Variants in EPHA7 observed in about 807,000 individuals in gnomAD.
The protein encoded by EPHA7 is ephrin type-A receptor 7.
In EPHA7, 25 loss-of-function variants were observed where a neutral mutation model predicts 112.6. That is an observed-to-expected ratio of 0.22 (90% CI 0.16 to 0.31). The LOEUF is 0.31. Ranked by LOEUF, EPHA7 falls within the 10% of genes least tolerant of loss-of-function variation. The pLI is 1.00. For synonymous variants in EPHA7, 437 were observed against 406.5 expected, an observed-to-expected ratio of 1.07 and a Z score of -0.90; for missense variants, 962 against 1,212.6, an observed-to-expected ratio of 0.79 and a Z score of 3.07.
At chr6:93,338,969 TTAAA>T (rs1775010598) in intron 5 of EPHA7, among the ~76,000 whole-genome samples, 1 of 149,498 alleles carries the variant, frequency 6.7e-6, no homozygotes, top group Non-Finnish European at 1.5e-5. Context: ...TTATGTTAAA[TTAAA>T]TAAATATTAA....
At chr6:93,381,977 T>C (rs1234689661) in intron 3 of EPHA7, among the ~76,000 whole-genome samples, 3 of 152,176 alleles carry the variant, frequency 2.0e-5, no homozygotes, top group South Asian at 2.1e-4. Context: ...GCCAAATGTG[T>C]TCACAAACAT....
At chr6:93,400,489 C>T (rs1162798978) in intron 3 of EPHA7, among the ~76,000 whole-genome samples, 1 of 152,038 alleles carries the variant, frequency 6.6e-6, no homozygotes. Context: ...TAATCCCTCT[C>T]CTGGTCCAAC....
In EPHA7 at chr6:93,399,722, T is replaced by A. The variant is rs1182633865; in HGVS notation, c.832+10779A>T. On this transcript the variant is annotated intron_variant, in intron 3 of 16. Coordinates refer to ENST00000369303, the MANE Select transcript of EPHA7 (RefSeq NM_004440.4). ...TATGAGTGTATTTATATATGCGTGC[T>A]TTTGGATATCTGTGGTTGTGTGTGT... Among the ~76,000 whole-genome samples the A allele has an allele frequency of 2.6e-5, 4 of 152,030 alleles. No individual in the cohort carries two copies. In the East Asian group the frequency reaches 7.7e-4, roughly 29 times the overall value.
chr6:93,415,767 C>A (rs1779191066), intron 1 of EPHA7, among the ~76,000 whole-genome samples: 2 of 151,924 alleles, frequency 1.3e-5, no homozygotes, highest in Admixed American at 1.3e-4. Context: ...TTAAGTATGT[C>A]AATAGGCTTA....
chr6:93,272,455 G>C, intron 5 of EPHA7, 33 bp from the exon 6 acceptor site: 4 of 1,609,316 alleles, frequency 2.5e-6, no homozygotes, highest in Non-Finnish European at 3.4e-6. Context: ...TAAACAATGA[G>C]AAAATTCACT....
chr6:93,319,232 G>A (rs1445347576), intron 5 of EPHA7, among the ~76,000 whole-genome samples: 1 of 152,080 alleles, frequency 6.6e-6, no homozygotes, highest in Non-Finnish European at 1.5e-5. Context: ...GGTCAAAAAT[G>A]TTAAGAAGTT....
intron 5 of EPHA7, among the ~76,000 whole-genome samples, chr6:93,308,004 T>C (rs1773343158): frequency 6.6e-6 from 1 of 152,226 alleles, no homozygotes; most frequent in Admixed American, 6.5e-5. Context: ...AGAGAGAATA[T>C]GATCCTGAGT....
At chr6:93,388,220 G>A (rs1200833445) in intron 3 of EPHA7, among the ~76,000 whole-genome samples, 3 of 151,964 alleles carry the variant, frequency 2.0e-5, no homozygotes, top group African/African-American at 4.8e-5. Flanking sequence ...ATAATTTAAT[G>A]ACATAATTTA....
At chr6:93,312,006 A>T (rs1192413924) in intron 5 of EPHA7, among the ~76,000 whole-genome samples, 1 of 152,190 alleles carries the variant, frequency 6.6e-6, no homozygotes, top group Admixed American at 6.5e-5. Context: ...TAAAACATTC[A>T]GTAAGCCATG....
chr6:93,311,114 ATTTTTTT>A (rs71542009), intron 5 of EPHA7, among the ~76,000 whole-genome samples: 27,325 of 78,410 alleles, frequency 0.35, 4,073 homozygotes, highest in East Asian at 0.53. Context: ...ATGCCCAGCT[ATTTTTTT>A]TTTTTTTTTT....
chr6:93,350,224 T>C (rs906614773), intron 5 of EPHA7, among the ~76,000 whole-genome samples: 5 of 152,010 alleles, frequency 3.3e-5, no homozygotes, highest in African/African-American at 1.2e-4. Context: ...TTTGTTAATA[T>C]TCTCAGGAAA....
chr6:93,411,247 A>G (rs1778964275), intron 2 of EPHA7, 77 bp from the exon 3 acceptor site: 4 of 1,210,292 alleles, frequency 3.3e-6, no homozygotes. Context: ...AGTACTTCAC[A>G]AATACAGATC....
At chr6:93,366,593 T>C (rs1776522468) in intron 3 of EPHA7, among the ~76,000 whole-genome samples, 1 of 152,114 alleles carries the variant, frequency 6.6e-6, no homozygotes, top group African/African-American at 2.4e-5. Context: ...AGAGATGCCT[T>C]AGCAAGCAAC....
intron 5 of EPHA7, among the ~76,000 whole-genome samples, chr6:93,320,518 A>C (rs1774016161): frequency 6.6e-6 from 1 of 151,978 alleles, no homozygotes; most frequent in Non-Finnish European, 1.5e-5. Context: ...TGGGAGAAAA[A>C]CAATTCCCTT....
intron 5 of EPHA7, among the ~76,000 whole-genome samples, chr6:93,322,812 T>G (rs2127887160): frequency 6.6e-6 from 1 of 151,748 alleles, no homozygotes; most frequent in Admixed American, 6.6e-5. Flanking sequence ...CAGATACTTT[T>G]ACTCACTATG....
At position 93,347,983 on chromosome 6, in the gene EPHA7, T is replaced by C. The variant is rs192579012; in HGVS notation, c.1324+8734A>G. ...ATAAAGAAGCATTAAATTGGAAATATGAGACGCAACTTAAAACACTCTATA... is the reference window on the plus strand; with the variant it reads ...ATAAAGAAGCATTAAATTGGAAATACGAGACGCAACTTAAAACACTCTATA... On this transcript the variant is annotated intron_variant, in intron 5 of 16. Transcript: ENST00000369303. Among the ~76,000 whole-genome samples, 16 of 151,984 alleles carry C rather than the reference T, an allele frequency of 1.1e-4. No individual in the cohort carries two copies. The East Asian group carries it at 2.3e-3, about 22-fold the overall frequency.
chr6:93,372,524 A>C (rs1294328890), intron 3 of EPHA7, among the ~76,000 whole-genome samples: 1 of 152,128 alleles, frequency 6.6e-6, no homozygotes, highest in South Asian at 2.1e-4. Flanking sequence ...ATTTTCCCAG[A>C]CTGAAATCCT....
At position 93,314,069 on chromosome 6, in the gene EPHA7, GT is replaced by G. The variant is rs550705305; in HGVS notation, c.1325-41648del. The stretch of plus-strand genomic sequence containing the variant: ...CTTACAGTCCACAGTCTTTTCTCCT[GT>G]TTTTTTTTCTGTTTCATTAACTTCC... On this transcript the variant is annotated intron_variant, in intron 5 of 16. Transcript: ENST00000369303. 5.1e-3 allele frequency among the ~76,000 whole-genome samples: 760 copies of G among 148,020 alleles called. 12 individuals are homozygous for G. Among genetic ancestry groups the G allele is most frequent in the African/African-American group, 0.018 (731 of 40,366 alleles).
At chr6:93,303,662 T>G (rs1176139494) in intron 5 of EPHA7, among the ~76,000 whole-genome samples, 1 of 152,164 alleles carries the variant, frequency 6.6e-6, no homozygotes, top group East Asian at 1.9e-4. Flanking sequence ...GTATCTGCTC[T>G]GCGTTTTAAA....
Sources: gnomAD v4.1 joint callset for allele counts (sites outside exome capture counted in the v4.1 genomes callset) on GRCh38, gnomAD v4.1.1 for gene constraint, MANE v1.5 for transcripts, NCBI Gene and HGNC (gene_info 2026-07-23, HGNC 2026-07-21) for gene names.